The following ABRAXAS1 variants were observed in gnomAD, a reference collection of about 807,000 sequenced individuals.
ABRAXAS1 encodes the protein BRCA1-A complex subunit Abraxas 1.
Under a neutral mutation model 38.4 loss-of-function variants are expected in ABRAXAS1, and 26 were observed. That is an observed-to-expected ratio of 0.68 (90% CI 0.50 to 0.94). ABRAXAS1 has a LOEUF of 0.94. ABRAXAS1 is among the 40% of genes least tolerant of loss of function. The probability of loss-of-function intolerance (pLI) is 0.00; values close to 1 mark genes in which losing one functional copy is unlikely to be tolerated. For synonymous variants in ABRAXAS1, 144 were observed against 165.5 expected (o/e 0.87, Z 1.00); for missense variants, 438 against 481.9 (o/e 0.91, Z 0.85).
chr4:83,472,329 A>G (rs1314283585), intron 3 of ABRAXAS1, 41 bp from the exon 4 acceptor site: 1 of 1,168,050 alleles, frequency 8.6e-7, no homozygotes, highest in Non-Finnish European at 1.2e-6. Flanking sequence ...ATACGCTAAA[A>G]ATATAAGTAA....
intron 2 of ABRAXAS1, chr4:83,478,007 A>G (rs1722846318): frequency 3.1e-6 from 3 of 963,494 alleles, no homozygotes; most frequent in Non-Finnish European, 5.0e-6. Context: ...CTTCATCGAT[A>G]TATACCAACA....
Position 83,462,568 on chromosome 4 carries a change from A to G in ABRAXAS1, c.1131T>C (p.Ser377=). The stretch of plus-strand genomic sequence containing the variant: ...TCATTTTGGATGCTTTATCTTGGTT[A>G]CTACTACCAGTATCTGCTTTAGATC... ...DKRSKADTGS[S]NQDKASKMSS... The change falls in exon 9 of 9, where the codon AGT becomes AGC. Residue 377 remains serine, a synonymous_variant. Coordinates refer to ENST00000321945, the MANE Select transcript of ABRAXAS1 (RefSeq NM_139076.3). The G allele has an allele frequency of 1.2e-6, 2 of 1,614,148 alleles. No individual in the cohort carries two copies. Among genetic ancestry groups the G allele is most frequent in the Non-Finnish European group, 8.5e-7 (1 of 1,180,002 alleles).
chr4:83,478,129 G>T lies in ABRAXAS1; in HGVS notation c.179-1450C>A. The T allele has an allele frequency of 6.3e-6, 5 of 793,934 alleles. No individual in the cohort carries two copies. The South Asian group carries it at 6.6e-5, about 11-fold the overall frequency. The allele number at this position is 793,934 out of a possible 1,614,324, so 49.2% of individuals were successfully genotyped here. A position where few individuals can be genotyped will look rare whatever the true frequency, so the allele number is the denominator to read the frequency against. ...ATTTTACTAAGAAGCACTTAATATT[G>T]TCAGGAATGATGGAAGACACAACTT... On this transcript the variant is annotated intron_variant, in intron 2 of 8. Transcript: ENST00000321945.
intron 4 of ABRAXAS1, among the ~76,000 whole-genome samples, chr4:83,471,641 A>G (rs1722595149): frequency 6.6e-6 from 1 of 152,246 alleles, no homozygotes; most frequent in South Asian, 2.1e-4. Flanking sequence ...CCAAACACAA[A>G]GTATGTTATA....
intron 6 of ABRAXAS1, among the ~76,000 whole-genome samples, chr4:83,468,747 C>T (rs2110038409): frequency 6.6e-6 from 1 of 151,950 alleles, no homozygotes; most frequent in African/African-American, 2.4e-5. Flanking sequence ...GCTGTGTTGC[C>T]CAGGCTAGTC....
chr4:83,470,409 AT>A lies in ABRAXAS1; in HGVS notation c.283-14del. 1 of 1,587,164 alleles carries A rather than the reference AT, an allele frequency of 6.3e-7. No homozygotes were observed. The highest frequency in any genetic ancestry group is 2.2e-5 in the East Asian group (1 of 44,654). The stretch of plus-strand genomic sequence containing the variant: ...AACCTACCACATTCTGAAATACAGA[AT>A]AAAAAGGATATACATCTTAATAGTT... On this transcript the variant is annotated splice_polypyrimidine_tract_variant and intron_variant, in intron 4 of 8. Coordinates refer to ENST00000321945, the MANE Select transcript of ABRAXAS1 (RefSeq NM_139076.3).
At chr4:83,469,978 C>T (rs1722520262) in intron 5 of ABRAXAS1, 1 of 382,302 alleles carries the variant, frequency 2.6e-6, no homozygotes, top group Non-Finnish European at 4.6e-6. Context: ...AGCAAATCTT[C>T]AGTGCCAGAA....
rs749943018 is a variant in ABRAXAS1 at position 83,462,774 on chromosome 4, T to C, written c.925A>G (p.Ser309Gly). The C allele has an allele frequency of 6.2e-7, 1 of 1,614,038 alleles. No homozygotes were observed. Among genetic ancestry groups the C allele is most frequent in the Admixed American group, 1.7e-5 (1 of 60,024 alleles). ...MSLKNRHVSKSSCNYNHHLDV... is the reference protein window; with the variant it reads ...MSLKNRHVSKGSCNYNHHLDV... ...AGATGGTGGTTGTAGTTACAGCTAC[T>C]TTTAGAAACATGTCTATTTTTTAAA... Residue 309 changes from serine (S) to glycine (G), a missense_variant, in exon 9 of 9, where the codon AGT becomes GGT. By Grantham distance (56) the Ser-to-Gly change is moderately conservative. Around this residue, in one of 3 missense-constraint regions of ABRAXAS1, gnomAD observed 184 missense variants for 181.9 expected, o/e 1.01. Transcript: ENST00000321945.
intron 1 of ABRAXAS1, chr4:83,484,286 T>C (rs1723098712): frequency 2.5e-6 from 2 of 810,004 alleles, no homozygotes; most frequent in East Asian, 1.2e-4. Context: ...GGGAAGTGTA[T>C]TTCAGATGCT....
At position 83,461,308 on chromosome 4, in the gene ABRAXAS1, G is replaced by C. The variant is rs1398863300; in HGVS notation, c.*1161C>G. On this transcript the variant is annotated 3_prime_UTR_variant, in exon 9 of 9. Coordinates refer to ENST00000321945, the MANE Select transcript of ABRAXAS1 (RefSeq NM_139076.3). ...AAAAGTGTTTGAGGAGTGAGGTAAA[G>C]AATGACACTTCCCCTTCATACCAAT... 10 of 842,008 alleles carry C rather than the reference G, an allele frequency of 1.2e-5. No homozygotes were observed. The highest frequency in any genetic ancestry group is 2.0e-5 in the Non-Finnish European group (10 of 500,032). 52.2% of individuals were successfully genotyped at this position (842,008 alleles called of 1,614,324 possible). A position where few individuals can be genotyped will look rare whatever the true frequency, so the allele number is the denominator to read the frequency against.
intron 2 of ABRAXAS1, among the ~76,000 whole-genome samples, chr4:83,480,816 G>A (rs1021961834): frequency 6.6e-6 from 1 of 152,142 alleles, no homozygotes; most frequent in African/African-American, 2.4e-5. Flanking sequence ...CCACAGGGTA[G>A]AACACAATGC....
At chr4:83,467,181 G>A in intron 7 of ABRAXAS1, 1 of 319,700 alleles carries the variant, frequency 3.1e-6, no homozygotes, top group Non-Finnish European at 5.7e-6. Flanking sequence ...ATCAAATAGG[G>A]GAAATGACTG....
At chr4:83,482,335 A>G in intron 1 of ABRAXAS1, 91 bp from the exon 2 acceptor site, 1 of 704,428 alleles carries the variant, frequency 1.4e-6, no homozygotes, top group South Asian at 1.8e-5. Flanking sequence ...TACTATGTAT[A>G]CAATATGTGC....
chr4:83,470,521 T>C, intron 4 of ABRAXAS1, 125 bp from the exon 5 acceptor site: 1 of 634,858 alleles, frequency 1.6e-6, no homozygotes, highest in Non-Finnish European at 2.6e-6. Flanking sequence ...TTGGGGCATA[T>C]ATAAACAAAG....
rs142910445 is a variant in ABRAXAS1 at position 83,462,608 on chromosome 4, T to C, written c.1091A>G (p.Asp364Gly). 6.5e-5 allele frequency: 105 copies of C among 1,614,040 alleles called. No homozygotes were observed. Among genetic ancestry groups the C allele is most frequent in the Admixed American group, 3.0e-4 (18 of 60,006 alleles). Residue 364 changes from aspartate (D) to glycine (G), a missense_variant, in exon 9 of 9, where the codon GAT becomes GGT. Around this residue, in one of 3 missense-constraint regions of ABRAXAS1, gnomAD observed 184 missense variants for 181.9 expected, o/e 1.01. Coordinates refer to ENST00000321945, the MANE Select transcript of ABRAXAS1 (RefSeq NM_139076.3). ...TGCTTTAGATCGTTTGTCTTGTGTA[T>C]CTAACAACCGAGATCTCTTGAATTG... ...RWQFKRSRLLDTQDKRSKADT... is the reference protein window; with the variant it reads ...RWQFKRSRLLGTQDKRSKADT...
chr4:83,483,427 C>A (rs1438182900), intron 1 of ABRAXAS1, among the ~76,000 whole-genome samples: 1 of 151,922 alleles, frequency 6.6e-6, no homozygotes, highest in African/African-American at 2.4e-5. Context: ...TCTACAGGCA[C>A]GTGCCACCAC....
Position 83,462,204 on chromosome 4 carries a change from A to G in ABRAXAS1, c.*265T>C, listed in dbSNP as rs916440330. The G allele has an allele frequency of 2.1e-5, 8 of 384,022 alleles. No homozygotes were observed. Among genetic ancestry groups the G allele is most frequent in the African/African-American group, 1.0e-4 (5 of 47,946 alleles). 23.8% of individuals were successfully genotyped at this position (384,022 alleles called of 1,614,324 possible). On this transcript the variant is annotated 3_prime_UTR_variant, in exon 9 of 9. Coordinates refer to ENST00000321945, the MANE Select transcript of ABRAXAS1 (RefSeq NM_139076.3). ...CACTGTGCCTGGTCTCACTTTTCCAATTCTAAAGAATGTGTCTGTGTAAGC... is the reference window on the plus strand; with the variant it reads ...CACTGTGCCTGGTCTCACTTTTCCAGTTCTAAAGAATGTGTCTGTGTAAGC...
intron 6 of ABRAXAS1, among the ~76,000 whole-genome samples, chr4:83,467,787 G>A (rs763150686): frequency 3.9e-5 from 6 of 152,140 alleles, no homozygotes; most frequent in Non-Finnish European, 7.3e-5. Context: ...GGATGGGCGG[G>A]GGATGGGGGA....
intron 7 of ABRAXAS1, among the ~76,000 whole-genome samples, chr4:83,466,099 C>T (rs1294930157): frequency 6.6e-6 from 1 of 152,110 alleles, no homozygotes; most frequent in Non-Finnish European, 1.5e-5. Flanking sequence ...GAACAATTTT[C>T]GGGCAACTTT....
Sources: allele counts gnomAD v4.1 joint callset (sites outside exome capture counted in the v4.1 genomes callset), GRCh38; gene constraint gnomAD v4.1.1; regional missense constraint gnomAD v4.1.1; transcripts MANE v1.5; gene names NCBI Gene and HGNC (gene_info 2026-07-23, HGNC 2026-07-21).